The following RBMS3 variants were observed in gnomAD, a reference collection of about 807,000 sequenced individuals.
RBMS3 encodes RNA binding motif single stranded interacting protein 3.
A neutral mutation model predicts 66.8 loss-of-function variants in RBMS3; 27 were observed. That is an observed-to-expected ratio of 0.40 (90% confidence interval 0.30 to 0.56). RBMS3 has a LOEUF of 0.56. RBMS3 is among the 20% of genes least tolerant of loss of function. The pLI is 0.40. For synonymous variants in RBMS3, 188 were observed against 183.0 expected (o/e 1.03, Z -0.22); for missense variants, 513 against 549.5 (o/e 0.93, Z 0.66).
chr3:29,527,333 G>A (rs2045168705), intron 3 of RBMS3, among the ~76,000 whole-genome samples: 2 of 151,748 alleles, frequency 1.3e-5, no homozygotes, highest in Admixed American at 6.6e-5. Context: ...ATGTAAACAA[G>A]TAAAGTCCTA....
chr3:29,737,696 A>G (rs1009171595), intron 4 of RBMS3, among the ~76,000 whole-genome samples: 6 of 151,302 alleles, frequency 4.0e-5, no homozygotes, highest in Non-Finnish European at 7.4e-5. Flanking sequence ...CTTTTTTTTT[A>G]TTTACCACTT....
intron 2 of RBMS3, among the ~76,000 whole-genome samples, chr3:29,469,214 T>C (rs2042638837): frequency 2.0e-5 from 3 of 152,104 alleles, no homozygotes; most frequent in Non-Finnish European, 4.4e-5. Context: ...TTTTAACTCA[T>C]AGTATGGGAA....
chr3:29,750,230 T>G (rs7634890), intron 5 of RBMS3, among the ~76,000 whole-genome samples: 70,354 of 151,858 alleles, frequency 0.46, 17,487 homozygotes, highest in African/African-American at 0.64. Context: ...GATCTCTAAA[T>G]TTATCAGAAA....
intron 6 of RBMS3, among the ~76,000 whole-genome samples, chr3:29,835,901 G>A (rs1021151749): frequency 6.6e-6 from 1 of 151,638 alleles, no homozygotes; most frequent in Non-Finnish European, 1.5e-5. Context: ...AAAAAATACA[G>A]ATTTAAATAA....
At chr3:29,630,492 T>C (rs1354154106) in intron 4 of RBMS3, among the ~76,000 whole-genome samples, 2 of 151,924 alleles carry the variant, frequency 1.3e-5, no homozygotes, top group African/African-American at 4.8e-5. Context: ...GGAAACTCAG[T>C]CAATTCTTGT....
intron 3 of RBMS3, among the ~76,000 whole-genome samples, chr3:29,570,232 A>G (rs2046901362): frequency 6.6e-6 from 1 of 152,116 alleles, no homozygotes; most frequent in Non-Finnish European, 1.5e-5. Context: ...TATGAGGTAT[A>G]GGAGATATTT....
chr3:29,680,708 G>T (rs1336742910), intron 4 of RBMS3, among the ~76,000 whole-genome samples: 1 of 151,940 alleles, frequency 6.6e-6, no homozygotes, highest in Non-Finnish European at 1.5e-5. Flanking sequence ...TACTATTCTT[G>T]TTTTATTATA....
rs973246842 is a variant in RBMS3, at chr3:29,884,107, G to T, written c.745-55G>T. 63 of 1,457,958 alleles carry T rather than the reference G, an allele frequency of 4.3e-5. No homozygotes were observed. In the East Asian group the frequency reaches 1.4e-3, roughly 33 times the overall value. 90.3% of individuals were successfully genotyped at this position (1,457,958 alleles called of 1,614,324 possible). A position where few individuals can be genotyped will look rare whatever the true frequency, so the allele number is the denominator to read the frequency against. ...TCTTTGTGTGTACTAAATGTTTTGGGCACCACAATAAAAACGTTAAGATTT... is the reference window on the plus strand; with the variant it reads ...TCTTTGTGTGTACTAAATGTTTTGGTCACCACAATAAAAACGTTAAGATTT... On this transcript the variant is annotated intron_variant, in intron 7 of 14. Coordinates refer to ENST00000383767, the MANE Select transcript of RBMS3 (RefSeq NM_001003793.3).
chr3:29,406,139 G>A (rs942917919), intron 1 of RBMS3, among the ~76,000 whole-genome samples: 1 of 152,124 alleles, frequency 6.6e-6, no homozygotes, highest in African/African-American at 2.4e-5. Context: ...GGTATCTTCG[G>A]TGCAATTCTG....
chr3:29,495,619 C>T (rs561234387), intron 3 of RBMS3, among the ~76,000 whole-genome samples: 92 of 151,704 alleles, frequency 6.1e-4, no homozygotes, highest in African/African-American at 2.1e-3. Context: ...AAGGTTTCAC[C>T]ATGTGGGCCA....
In RBMS3 at chr3:30,007,568, A is replaced by G. The variant is rs1019912343; in HGVS notation, c.*3706A>G. On this transcript the variant is annotated 3_prime_UTR_variant, in exon 15 of 15. Coordinates refer to ENST00000383767, the MANE Select transcript of RBMS3 (RefSeq NM_001003793.3). The stretch of plus-strand genomic sequence containing the variant: ...GGTATGGTATTGTCAAGGGAGGCAA[A>G]GTGTTCATGGTAACTTGGAGCTCCC... 6.6e-6 allele frequency: 1 copy of G among 152,062 alleles called. No individual in the cohort carries two copies. Among genetic ancestry groups the G allele is most frequent in the Non-Finnish European group, 1.5e-5 (1 of 67,948 alleles). The allele number at this position is 152,062 out of a possible 1,614,324, so 9.4% of individuals were successfully genotyped here. A position where few individuals can be genotyped will look rare whatever the true frequency, so the allele number is the denominator to read the frequency against.
intron 2 of RBMS3, among the ~76,000 whole-genome samples, chr3:29,436,745 G>A (rs1031618483): frequency 1.3e-5 from 2 of 152,186 alleles, no homozygotes; most frequent in Non-Finnish European, 2.9e-5. Flanking sequence ...ACCACTTGTA[G>A]AGCCTGTTGA....
At chr3:29,671,759 G>A (rs1012763742) in intron 4 of RBMS3, among the ~76,000 whole-genome samples, 8 of 152,272 alleles carry the variant, frequency 5.3e-5, no homozygotes, top group Admixed American at 3.3e-4. Context: ...AACAAACAAA[G>A]CCTCCAAGAA....
chr3:29,702,672 C>T (rs1037279846), intron 4 of RBMS3, among the ~76,000 whole-genome samples: 1 of 151,862 alleles, frequency 6.6e-6, no homozygotes, highest in South Asian at 2.1e-4. Context: ...GAGGAATGAA[C>T]AACTCTGGAT....
chr3:29,804,418 A>G (rs1383091249), intron 6 of RBMS3, among the ~76,000 whole-genome samples: 5 of 152,128 alleles, frequency 3.3e-5, no homozygotes, highest in South Asian at 4.1e-4. Context: ...TTTTTTGAAT[A>G]CATGCCAAGT....
intron 1 of RBMS3, among the ~76,000 whole-genome samples, chr3:29,307,299 A>G (rs1017974308): frequency 3.3e-5 from 5 of 151,996 alleles, no homozygotes; most frequent in East Asian, 1.9e-4. Context: ...ACTTTCTCCA[A>G]TGTAAATATT....
In RBMS3 at chr3:29,918,674, GTAGAT is replaced by G. The variant is rs546338234; in HGVS notation, c.940-17406_940-17402del. On this transcript the variant is annotated intron_variant, in intron 10 of 14. Coordinates refer to ENST00000383767, the MANE Select transcript of RBMS3 (RefSeq NM_001003793.3). ...TGATACTGTTTGCACTTTATAAAAA[GTAGAT>G]TAGATAACTATGAGAAAATTCTATG... 3.3e-5 allele frequency among the ~76,000 whole-genome samples: 5 copies of G among 152,162 alleles called. No homozygotes were observed. The South Asian group carries it at 6.2e-4, about 19-fold the overall frequency.
At chr3:29,613,344 A>G (rs151067918) in intron 4 of RBMS3, among the ~76,000 whole-genome samples, 83 of 151,994 alleles carry the variant, frequency 5.5e-4, no homozygotes, top group African/African-American at 2.0e-3. Flanking sequence ...CCTCTCCAAC[A>G]CTTGTTATCG....
At chr3:29,915,658 A>G (rs2060622399) in intron 10 of RBMS3, among the ~76,000 whole-genome samples, 1 of 151,992 alleles carries the variant, frequency 6.6e-6, no homozygotes, top group Non-Finnish European at 1.5e-5. Flanking sequence ...GTCAAGAGTG[A>G]GGATTCATTG....
Sources: gnomAD v4.1 joint callset for allele counts (sites outside exome capture counted in the v4.1 genomes callset) on GRCh38, gnomAD v4.1.1 for gene constraint, MANE v1.5 for transcripts, NCBI Gene and HGNC (gene_info 2026-07-23, HGNC 2026-07-21) for gene names.